Variants in C1orf146 observed in about 807,000 individuals in gnomAD.
C1orf146 encodes the protein protein SPO16 homolog.
A neutral mutation model predicts 23.0 loss-of-function variants in C1orf146; 22 were observed. The observed-to-expected ratio is 0.96, with a 90% confidence interval of 0.68 to 1.36. The LOEUF is 1.36. Ranked by LOEUF, C1orf146 falls within the 40% of genes most tolerant of loss-of-function variation. The probability of loss-of-function intolerance (pLI) is 0.00; values close to 1 mark genes in which losing one functional copy is unlikely to be tolerated. For synonymous variants in C1orf146, 59 were observed against 65.3 expected (o/e 0.90, Z 0.47); for missense variants, 199 against 206.8 (o/e 0.96, Z 0.23).
At chr1:92,230,776 A>G (rs1652101268) in intron 1 of C1orf146, among the ~76,000 whole-genome samples, 1 of 152,166 alleles carries the variant, frequency 6.6e-6, no homozygotes, top group African/African-American at 2.4e-5. Flanking sequence ...TCTTTAAAAA[A>G]AAATGCAAAT....
At chr1:92,218,159 A>AC in intron 1 of C1orf146, 111 bp downstream of exon 1, 1 of 152,106 alleles carries the variant, frequency 6.6e-6, no homozygotes, top group South Asian at 2.1e-4. Context: ...TCAGAGCTTT[A>AC]CCTCAGGGCT....
Position 92,219,496 on chromosome 1 carries a change from CTTTTTTT to C in C1orf146, c.-40+1467_-40+1473del, listed in dbSNP as rs71091269. On this transcript the variant is annotated intron_variant, in intron 1 of 5. Coordinates refer to ENST00000370375, the MANE Select transcript of C1orf146 (RefSeq NM_001012425.2). ...CATCACTGAAAGTGACTTTCTCTTT[CTTTTTTT>C]TTTTTTTTTTTTTTTTTTAAGACAG... 4.4e-3 allele frequency among the ~76,000 whole-genome samples: 354 copies of C among 81,182 alleles called. 3 individuals carry two copies. The highest frequency in any genetic ancestry group is 0.017 in the African/African-American group (333 of 19,964). 53.3% of individuals were successfully genotyped at this position (81,182 alleles called of 152,430 possible).
Position 92,245,608 on chromosome 1 carries a change from G to A in C1orf146, c.477G>A (p.Glu159=). ...TAACAGCTAAAGCTTACATCATTGA[G>A]CAAAGTCCTGTTTGGAAAACACTTC... ...RMITAKAYII[E]QSPVWKTLQK... Residue 159 remains glutamate, a synonymous_variant, in exon 6 of 6, where the codon GAG becomes GAA. Transcript: ENST00000370375. 6.2e-7 allele frequency: 1 copy of A among 1,600,678 alleles called. No individual in the cohort carries two copies. Among genetic ancestry groups the A allele is most frequent in the Admixed American group, 1.8e-5 (1 of 56,544 alleles).
At position 92,231,406 on chromosome 1, in the gene C1orf146, T is replaced by C. The variant is rs1470057857; in HGVS notation, c.-15T>C. On this transcript the variant is annotated 5_prime_UTR_variant, in exon 2 of 6. Coordinates refer to ENST00000370375, the MANE Select transcript of C1orf146 (RefSeq NM_001012425.2). ...GATTGTTGCACCATTAGAAGCTAGG[T>C]TGATCCACAGACAGATGGCTGAAAG... The C allele has an allele frequency of 1.9e-6, 3 of 1,590,924 alleles. No homozygotes were observed. Among genetic ancestry groups the C allele is most frequent in the Non-Finnish European group, 2.6e-6 (3 of 1,167,338 alleles).
At chr1:92,228,829 C>G (rs1356343832) in intron 1 of C1orf146, among the ~76,000 whole-genome samples, 1 of 152,190 alleles carries the variant, frequency 6.6e-6, no homozygotes, top group Non-Finnish European at 1.5e-5. Context: ...AATACAAGGT[C>G]AAAATCAGCA....
chr1:92,236,413 CT>C (rs1216817147), intron 2 of C1orf146, among the ~76,000 whole-genome samples: 1 of 151,798 alleles, frequency 6.6e-6, no homozygotes, highest in African/African-American at 2.4e-5. Context: ...AAATTCTTTT[CT>C]TTAAGAATGT....
intron 1 of C1orf146, among the ~76,000 whole-genome samples, chr1:92,231,069 G>A (rs963257383): frequency 1.3e-5 from 2 of 152,180 alleles, no homozygotes; most frequent in East Asian, 3.8e-4. Context: ...ATCTGTATAA[G>A]TGAAACTCTG....
intron 1 of C1orf146, among the ~76,000 whole-genome samples, chr1:92,218,863 G>A (rs890619096): frequency 2.6e-5 from 4 of 152,170 alleles, no homozygotes; most frequent in African/African-American, 4.8e-5. Context: ...TGCTGGTCGA[G>A]GAGCTTTTCC....
chr1:92,223,046 T>A (rs1357344911), intron 1 of C1orf146, among the ~76,000 whole-genome samples: 1 of 152,166 alleles, frequency 6.6e-6, no homozygotes, highest in East Asian at 1.9e-4. Context: ...ATTGTATGAA[T>A]ATATTACAAT....
chr1:92,236,248 GGTT>G (rs1172264517), intron 2 of C1orf146, among the ~76,000 whole-genome samples: 26 of 152,018 alleles, frequency 1.7e-4, no homozygotes, highest in Admixed American at 7.9e-4. Flanking sequence ...GGCTGGTACC[GGTT>G]GTTCCTTTCC....
At chr1:92,233,754 C>A (rs1652195787) in intron 2 of C1orf146, among the ~76,000 whole-genome samples, 1 of 152,146 alleles carries the variant, frequency 6.6e-6, no homozygotes. Flanking sequence ...ATGGAATGTT[C>A]TTCCATTTGT....
intron 1 of C1orf146, among the ~76,000 whole-genome samples, chr1:92,221,279 T>C (rs905749366): frequency 2.6e-5 from 4 of 152,002 alleles, no homozygotes; most frequent in African/African-American, 4.8e-5. Context: ...GAGCTAACCA[T>C]TGAGTACATA....
chr1:92,218,463 A>G (rs1391813405), intron 1 of C1orf146, among the ~76,000 whole-genome samples: 1 of 151,736 alleles, frequency 6.6e-6, no homozygotes, highest in East Asian at 1.9e-4. Context: ...CAGAGCTTGG[A>G]AAAAACAAAA....
chr1:92,240,268 A>G (rs1288871892), intron 2 of C1orf146, among the ~76,000 whole-genome samples: 1 of 152,230 alleles, frequency 6.6e-6, no homozygotes, highest in Admixed American at 6.5e-5. Context: ...CAGGGAAAAA[A>G]GTGGCCTAAA....
intron 4 of C1orf146, among the ~76,000 whole-genome samples, 178 bp from the exon 5 acceptor site, chr1:92,244,601 A>T (rs1460005682): frequency 6.6e-6 from 1 of 152,234 alleles, no homozygotes; most frequent in Non-Finnish European, 1.5e-5. Context: ...AAAAGTGAAC[A>T]CTTTTTTAGT....
chr1:92,244,317 T>C lies in C1orf146; in HGVS notation c.261T>C (p.Ser87=). 2 of 1,612,616 alleles carry C rather than the reference T, an allele frequency of 1.2e-6. No individual in the cohort carries two copies. The highest frequency in any genetic ancestry group is 1.7e-6 in the Non-Finnish European group (2 of 1,179,054). ...AATTTATTAACATTCACCAAAATAG[T>C]TTTTTGGTTTTGTCTGCTGCCCTCC... ...IEKFINIHQN[S]FLVLSAALHG... Residue 87 remains serine (S), a synonymous_variant, in exon 4 of 6, where the codon AGT becomes AGC. Transcript: ENST00000370375.
chr1:92,230,180 T>C (rs149741391), intron 1 of C1orf146, among the ~76,000 whole-genome samples: 3 of 152,164 alleles, frequency 2.0e-5, no homozygotes, highest in East Asian at 3.9e-4. Flanking sequence ...ACTGCAGATA[T>C]TGGCCAGGTG....
chr1:92,226,633 A>G (rs932442217), intron 1 of C1orf146, among the ~76,000 whole-genome samples: 1 of 152,104 alleles, frequency 6.6e-6, no homozygotes, highest in Non-Finnish European at 1.5e-5. Context: ...ATGTTTTCCC[A>G]TCCTTTTACT....
At chr1:92,238,771 A>C (rs1046826606) in intron 2 of C1orf146, among the ~76,000 whole-genome samples, 2 of 152,190 alleles carry the variant, frequency 1.3e-5, no homozygotes, top group Admixed American at 1.3e-4. Flanking sequence ...TATACCTTAC[A>C]CACTCACCAT....
Sources: allele counts gnomAD v4.1 joint callset (sites outside exome capture counted in the v4.1 genomes callset), GRCh38; gene constraint gnomAD v4.1.1; transcripts MANE v1.5; gene names NCBI Gene and HGNC (gene_info 2026-07-23, HGNC 2026-07-21).